The following KIAA2012 variants were observed in gnomAD, a reference collection of about 807,000 sequenced individuals.
The protein encoded by KIAA2012 is uncharacterized protein KIAA2012.
In KIAA2012, 125 loss-of-function variants were observed where a neutral mutation model predicts 150.6. The ratio of observed to expected loss-of-function variants is 0.83; its 90% confidence interval spans 0.72 to 0.96. The LOEUF is 0.96. KIAA2012 is among the 40% of genes least tolerant of loss of function. The pLI, the probability that KIAA2012 is intolerant of heterozygous loss-of-function variation, is 0.00. For synonymous variants in KIAA2012, 462 were observed against 504.7 expected, an observed-to-expected ratio of 0.92 and a Z score of 1.13; for missense variants, 1,219 against 1,354.9, an observed-to-expected ratio of 0.90 and a Z score of 1.57.
At chr2:202,178,742 GC>G (rs879358105) in intron 15 of KIAA2012, 1 of 162,750 alleles carries the variant, frequency 6.1e-6, no homozygotes, top group Non-Finnish European at 1.3e-5. Context: ...CCAAGGTGCA[GC>G]CCCAGTCAAC....
intron 11 of KIAA2012, chr2:202,116,065 T>C (rs1253162051): frequency 6.6e-6 from 1 of 152,210 alleles, no homozygotes; most frequent in East Asian, 1.9e-4. Context: ...TCTGAATTGC[T>C]TATCCTTGAT....
In KIAA2012 at chr2:202,093,151, A is replaced by G. The variant is rs1282925903; in HGVS notation, c.651A>G (p.Ser217=). Residue 217 remains serine, a synonymous_variant, in exon 4 of 24, where the codon TCA becomes TCG. Coordinates refer to ENST00000498697, the MANE Select transcript of KIAA2012 (RefSeq NM_001277372.4). ...PKYHLLPVFP[S]FWIQQGKSFE... ...ACCATCTCCTGCCTGTCTTCCCTTC[A>G]TTTTGGATTCAACAAGGAAAATCTT... is the stretch of plus-strand genomic sequence containing the variant. The G allele has an allele frequency of 1.9e-6, 3 of 1,551,206 alleles. No individual in the cohort carries two copies. In the Admixed American group the frequency reaches 5.9e-5, roughly 30 times the overall value.
At position 202,170,130 on chromosome 2, in the gene KIAA2012, G is replaced by A. The variant is rs147487790; in HGVS notation, c.2119+4774G>A. Among the ~76,000 whole-genome samples the A allele has an allele frequency of 7.8e-3, 1,182 of 152,302 alleles. 17 individuals are homozygous for A. Among genetic ancestry groups the A allele is most frequent in the African/African-American group, 0.027 (1,104 of 41,562 alleles). On this transcript the variant is annotated intron_variant, in intron 15 of 23. Transcript: ENST00000498697. ...TTCTACCACCCAGCCTCCCTCAGGTGACAGCCTGGGAGGAGGCCATCCCTG... is the reference window on the plus strand; with the variant it reads ...TTCTACCACCCAGCCTCCCTCAGGTAACAGCCTGGGAGGAGGCCATCCCTG...
At chr2:202,204,840 G>C (rs918458855) in intron 23 of KIAA2012, among the ~76,000 whole-genome samples, 158 bp from the exon 24 acceptor site, 1 of 152,044 alleles carries the variant, frequency 6.6e-6, no homozygotes, top group Non-Finnish European at 1.5e-5. Flanking sequence ...GACCCTACCT[G>C]GACATTCATT....
intron 12 of KIAA2012, among the ~76,000 whole-genome samples, chr2:202,130,092 A>T (rs1454052854): frequency 6.6e-6 from 1 of 152,228 alleles, no homozygotes. Flanking sequence ...ATGGCCCTAA[A>T]AAAAAGCTGA....
At chr2:202,091,544 C>T (rs1689722824) in intron 3 of KIAA2012, among the ~76,000 whole-genome samples, 1 of 152,064 alleles carries the variant, frequency 6.6e-6, no homozygotes, top group Admixed American at 6.6e-5. Context: ...TGCTTGAAAA[C>T]AAAAATGGGA....
At position 202,199,602 on chromosome 2, in the gene KIAA2012, A is replaced by G. The variant is rs188380633; in HGVS notation, c.3407+2583A>G. Among the ~76,000 whole-genome samples the G allele has an allele frequency of 4.6e-5, 7 of 152,344 alleles. No individual in the cohort carries two copies. The East Asian group carries it at 1.2e-3, about 25-fold the overall frequency. On this transcript the variant is annotated intron_variant, in intron 22 of 23. Transcript: ENST00000498697. ...TCAACGGTACAAACATCACATGTACAGAACTCACAATTTAGATGAACTGAA... is the reference window on the plus strand; with the variant it reads ...TCAACGGTACAAACATCACATGTACGGAACTCACAATTTAGATGAACTGAA...
chr2:202,141,150 G>C (rs968518490), intron 13 of KIAA2012, among the ~76,000 whole-genome samples: 1 of 152,172 alleles, frequency 6.6e-6, no homozygotes, highest in African/African-American at 2.4e-5. Flanking sequence ...CCGCTGTGAT[G>C]GGAGAGCCTT....
At chr2:202,140,514 G>A (rs1033994961) in intron 13 of KIAA2012, among the ~76,000 whole-genome samples, 6 of 152,102 alleles carry the variant, frequency 3.9e-5, no homozygotes, top group Non-Finnish European at 8.8e-5. Context: ...GAAGTCTAGG[G>A]AGCCCCACCA....
intron 2 of KIAA2012, among the ~76,000 whole-genome samples, chr2:202,088,299 G>C (rs1186509578): frequency 6.6e-6 from 1 of 152,286 alleles, no homozygotes; most frequent in Non-Finnish European, 1.5e-5. Flanking sequence ...GTGTTGGGCA[G>C]TTAGCATAGT....
intron 3 of KIAA2012, among the ~76,000 whole-genome samples, chr2:202,092,242 C>T (rs900976917): frequency 6.6e-6 from 1 of 152,200 alleles, no homozygotes; most frequent in South Asian, 2.1e-4. Flanking sequence ...AAGTTGAGGA[C>T]CTCAAGCTGG....
At chr2:202,160,480 A>AT (rs1337799289) in intron 14 of KIAA2012, among the ~76,000 whole-genome samples, 2 of 151,778 alleles carry the variant, frequency 1.3e-5, no homozygotes, top group African/African-American at 4.8e-5. Flanking sequence ...TGCCCAGCTG[A>AT]TTTTTTATAT....
At chr2:202,079,364 G>A (rs1689391859) in intron 2 of KIAA2012, among the ~76,000 whole-genome samples, 2 of 152,164 alleles carry the variant, frequency 1.3e-5, no homozygotes, top group Admixed American at 6.5e-5. Context: ...CCAAAGTGAG[G>A]ATGGAAAAAG....
intron 11 of KIAA2012, 117 bp from the exon 12 acceptor site, chr2:202,125,097 T>C: frequency 1.2e-6 from 1 of 807,184 alleles, no homozygotes; most frequent in Non-Finnish European, 2.0e-6. Flanking sequence ...AAACAGTTCA[T>C]TGCAAAGCTT....
intron 14 of KIAA2012, among the ~76,000 whole-genome samples, chr2:202,155,756 C>T (rs1438046665): frequency 2.6e-5 from 4 of 152,190 alleles, no homozygotes; most frequent in African/African-American, 9.7e-5. Context: ...TCCGAATTCC[C>T]TGGGCTGCCC....
intron 4 of KIAA2012, among the ~76,000 whole-genome samples, chr2:202,093,650 T>A (rs964263744): frequency 6.6e-6 from 1 of 152,228 alleles, no homozygotes; most frequent in Non-Finnish European, 1.5e-5. Flanking sequence ...GCCAGAAATG[T>A]GTATCGAAAT....
At chr2:202,112,792 T>C (rs1422305933) in intron 10 of KIAA2012, among the ~76,000 whole-genome samples, 1 of 152,146 alleles carries the variant, frequency 6.6e-6, no homozygotes, top group Non-Finnish European at 1.5e-5. Context: ...TACAGTCAGG[T>C]TATAAAAAAT....
chr2:202,138,466 C>A lies in KIAA2012; in HGVS notation c.1866C>A (p.Asn622Lys). The A allele has an allele frequency of 6.4e-7, 1 of 1,550,522 alleles. No homozygotes were observed. The highest frequency in any genetic ancestry group is 8.7e-7 in the Non-Finnish European group (1 of 1,146,926). Residue 622 changes from asparagine to lysine, a missense_variant, in exon 13 of 24, where the codon AAC becomes AAA. Physicochemically the swap from Asn to Lys is moderately conservative, Grantham distance 94. Transcript: ENST00000498697. ...NTEPRANLHM[N>K]LYETSPLTQT... ...AACCTAGAGCCAATCTTCACATGAA[C>A]CTTTATGAAACCTCACCGTTGACCC...
chr2:202,168,344 G>A (rs1236908801), intron 15 of KIAA2012, among the ~76,000 whole-genome samples: 3 of 150,802 alleles, frequency 2.0e-5, no homozygotes, highest in African/African-American at 7.3e-5. Context: ...ACTTGAACCC[G>A]GGAGGCGGAG....
Sources: gnomAD v4.1 joint callset for allele counts (sites outside exome capture counted in the v4.1 genomes callset) on GRCh38, gnomAD v4.1.1 for gene constraint, MANE v1.5 for transcripts, NCBI Gene and HGNC (gene_info 2026-07-23, HGNC 2026-07-21) for gene names.